Variants in PPP4R3A observed in about 807,000 individuals in gnomAD.
The protein encoded by PPP4R3A is protein phosphatase 4 regulatory subunit 3A.
PPP4R3A carries 15 observed loss-of-function variants against 91.7 expected under a neutral mutation model. The observed-to-expected ratio is 0.16, with a 90% CI of 0.11 to 0.25. The LOEUF (loss-of-function observed/expected upper bound fraction) is 0.25. Ranked by LOEUF, PPP4R3A falls within the 10% of genes least tolerant of loss-of-function variation. The pLI is 1.00. For synonymous variants in PPP4R3A, 377 were observed against 348.7 expected, an observed-to-expected ratio of 1.08 and a Z score of -0.91; for missense variants, 623 against 998.4, an observed-to-expected ratio of 0.62 and a Z score of 5.07.
chr14:91,472,758 A>T (rs931334011), intron 9 of PPP4R3A, among the ~76,000 whole-genome samples: 14 of 151,942 alleles, frequency 9.2e-5, no homozygotes, highest in African/African-American at 2.7e-4. Context: ...CCTTTTAGGG[A>T]CATTTTTGTC....
intron 4 of PPP4R3A, among the ~76,000 whole-genome samples, chr14:91,479,538 A>C (rs992056213): frequency 7.3e-6 from 1 of 136,328 alleles, no homozygotes; most frequent in Non-Finnish European, 1.6e-5. Context: ...TGGCTAATTT[A>C]AAAAAAAAAA....
intron 1 of PPP4R3A, among the ~76,000 whole-genome samples, chr14:91,504,337 AAAAAG>A (rs1256917044): frequency 1.1e-3 from 162 of 150,558 alleles, no homozygotes; most frequent in African/African-American, 1.4e-3. Flanking sequence ...AAAAAAAAAA[AAAAAG>A]AAAAGAAAAG....
At chr14:91,488,418 ATACTATCT>A (rs981527634) in intron 2 of PPP4R3A, among the ~76,000 whole-genome samples, 1 of 152,152 alleles carries the variant, frequency 6.6e-6, no homozygotes, top group Non-Finnish European at 1.5e-5. Context: ...TCCACTTTTT[ATACTATCT>A]TAAAGGACTT....
chr14:91,459,407 A>G (rs1402398600), intron 14 of PPP4R3A, among the ~76,000 whole-genome samples: 3 of 152,214 alleles, frequency 2.0e-5, no homozygotes, highest in African/African-American at 7.2e-5. Flanking sequence ...CACCCAAACT[A>G]AAGCAAAAAA....
chr14:91,473,168 A>T (rs1595059383), intron 8 of PPP4R3A, 33 bp from the exon 9 acceptor site: 4 of 1,613,636 alleles, frequency 2.5e-6, no homozygotes, highest in East Asian at 4.5e-5. Context: ...ATGAACTTTA[A>T]CCACACTGGT....
At chr14:91,472,065 C>CCA (rs1555434857) in intron 9 of PPP4R3A, among the ~76,000 whole-genome samples, 1 of 70,288 alleles carries the variant, frequency 1.4e-5, no homozygotes, top group African/African-American at 5.6e-5. Context: ...ATTCTGTCTC[C>CCA]AAAAAAAAAA....
At chr14:91,493,585 G>T (rs1479438146) in intron 1 of PPP4R3A, among the ~76,000 whole-genome samples, 1 of 150,214 alleles carries the variant, frequency 6.7e-6, no homozygotes, top group Non-Finnish European at 1.5e-5. Flanking sequence ...CTTGAGGCTA[G>T]CCTGGTCTCA....
At chr14:91,495,235 G>A (rs1382413126) in intron 1 of PPP4R3A, among the ~76,000 whole-genome samples, 7 of 150,890 alleles carry the variant, frequency 4.6e-5, no homozygotes, top group East Asian at 1.9e-4. Flanking sequence ...ATTACAATAT[G>A]TATAAACCTT....
chr14:91,505,831 A>G (rs1457977513), intron 1 of PPP4R3A, among the ~76,000 whole-genome samples: 1 of 152,264 alleles, frequency 6.6e-6, no homozygotes, highest in Non-Finnish European at 1.5e-5. Flanking sequence ...GACAACAAAA[A>G]GAAAATATCA....
Position 91,482,140 on chromosome 14 carries a change from A to T in PPP4R3A, c.351T>A (p.Ser117=). 1.9e-6 allele frequency: 3 copies of T among 1,614,162 alleles called. No homozygotes were observed. Among genetic ancestry groups the T allele is most frequent in the Non-Finnish European group, 2.5e-6 (3 of 1,180,028 alleles). ...ACATATCATCAAAACGCTCCTCTTCAGATTCATCCACAAGGTCCTGAGTGA... is the reference window on the plus strand; with the variant it reads ...ACATATCATCAAAACGCTCCTCTTCTGATTCATCCACAAGGTCCTGAGTGA... ...VDITQDLVDE[S]EEERFDDMSS... The change falls in exon 4 of 15, where the codon TCT becomes TCA. Residue 117 remains serine (S), a synonymous_variant. Transcript: ENST00000554943.
intron 1 of PPP4R3A, among the ~76,000 whole-genome samples, chr14:91,498,532 G>A (rs1420199031): frequency 2.0e-5 from 3 of 152,126 alleles, no homozygotes; most frequent in Non-Finnish European, 4.4e-5. Flanking sequence ...CTCAATTTAA[G>A]AGTATAAAGG....
At chr14:91,465,522 A>C in intron 10 of PPP4R3A, 103 bp from the exon 11 acceptor site, 1 of 963,996 alleles carries the variant, frequency 1.0e-6, no homozygotes. Flanking sequence ...TGTTTAACAC[A>C]TATCAATAAT....
chr14:91,476,868 T>G, intron 5 of PPP4R3A, 41 bp downstream of exon 5: 1 of 1,507,084 alleles, frequency 6.6e-7, no homozygotes, highest in Non-Finnish European at 9.0e-7. Flanking sequence ...GCCCGGCCAG[T>G]TGTTTTATTT....
chr14:91,476,399 A>G lies in PPP4R3A; in HGVS notation c.1110+9T>C. On this transcript the variant is annotated intron_variant, in intron 6 of 14. Coordinates refer to ENST00000554943, the MANE Select transcript of PPP4R3A (RefSeq NM_001366432.2). ...ATGGTAATTAAAAATGAGGAGACAC[A>G]AAACTTACAAGGATGACTTCTAAAG... The G allele has an allele frequency of 1.3e-6, 2 of 1,565,304 alleles. No individual in the cohort carries two copies. Among genetic ancestry groups the G allele is most frequent in the Non-Finnish European group, 1.7e-6 (2 of 1,151,218 alleles).
At chr14:91,476,591 G>A in intron 5 of PPP4R3A, 67 bp from the exon 6 acceptor site, 1 of 1,202,336 alleles carries the variant, frequency 8.3e-7, no homozygotes, top group Non-Finnish European at 1.2e-6. Flanking sequence ...TTGAGACGGA[G>A]TCTTGCTCTT....
Position 91,509,609 on chromosome 14 carries a change from G to T in PPP4R3A, c.39C>A (p.Leu13=). The T allele has an allele frequency of 6.2e-7, 1 of 1,602,962 alleles. No homozygotes were observed. Residue 13 remains leucine, a synonymous_variant, in exon 1 of 15, where the codon CTC becomes CTA. Transcript: ENST00000554943. The part of the protein sequence containing the change: ...DTRRRVKVYT[L]NEDRQWDDRG... ...GGTCGTCCCACTGCCGGTCCTCGTT[G>T]AGCGTGTACACCTTCACCCGCCGCC...
At position 91,473,362 on chromosome 14, in the gene PPP4R3A, C is replaced by A. The variant is rs767298918; in HGVS notation, c.1275G>T (p.Leu425Phe). The change falls in exon 8 of 15, where the codon TTG becomes TTT. Residue 425 changes from leucine (L) to phenylalanine (F), a missense_variant. By Grantham distance (22) the Leu-to-Phe change is conservative (BLOSUM62 0). Coordinates refer to ENST00000554943, the MANE Select transcript of PPP4R3A (RefSeq NM_001366432.2). ...TEQKITSKDI[L>F]LINLIIEHMI... The stretch of plus-strand genomic sequence containing the variant: ...TATGTTCTATAATGAGGTTGATGAG[C>A]AAAATATCCTGGAGAGAAAAATAGA... The A allele has an allele frequency of 1.5e-5, 24 of 1,609,024 alleles. No individual in the cohort carries two copies. The Admixed American group carries it at 3.4e-4, about 23-fold the overall frequency.
At position 91,478,460 on chromosome 14, in the gene PPP4R3A, C is replaced by G. The variant is rs145228610; in HGVS notation, c.916-1474G>C. Reference sequence around the variant, plus strand: ...GTACCTCAATCACTTCTTGCCAAAACATTTGTAAAATGCTACAGCCTTCAC... The same window carrying G: ...GTACCTCAATCACTTCTTGCCAAAAGATTTGTAAAATGCTACAGCCTTCAC... On this transcript the variant is annotated intron_variant, in intron 4 of 14. Transcript: ENST00000554943. Among the ~76,000 whole-genome samples the G allele has an allele frequency of 5.2e-4, 79 of 152,360 alleles. 1 individual carries two copies. The highest frequency in any genetic ancestry group is 1.8e-3 in the African/African-American group (75 of 41,594).
Position 91,461,482 on chromosome 14 carries a change from T to A in PPP4R3A, c.2290A>T (p.Asn764Tyr), listed in dbSNP as rs763617268. ...TNLTSQSSTT[N>Y]LPGSPGSPGS... Reference sequence around the variant, plus strand: ...GGTGATCCCGGAGAACCAGGCAGATTTGTTGTAGATGACTGGCTGGTGAGG... The same window carrying A: ...GGTGATCCCGGAGAACCAGGCAGATATGTTGTAGATGACTGGCTGGTGAGG... The change falls in exon 14 of 15, where the codon AAT becomes TAT. Residue 764 changes from asparagine (N) to tyrosine (Y), a missense_variant. Physicochemically the swap from Asn to Tyr is moderately radical, Grantham distance 143. Around this residue, in one of 5 missense-constraint regions of PPP4R3A, gnomAD observed 201 missense variants for 229.9 expected, o/e 0.87. Transcript: ENST00000554943. 1.5e-5 allele frequency: 24 copies of A among 1,613,962 alleles called. No homozygotes were observed. Among genetic ancestry groups the A allele is most frequent in the Non-Finnish European group, 2.0e-5 (24 of 1,180,006 alleles).
Sources: gnomAD v4.1 joint callset for allele counts (sites outside exome capture counted in the v4.1 genomes callset) on GRCh38, gnomAD v4.1.1 for gene constraint, gnomAD v4.1.1 regional missense constraint, MANE v1.5 for transcripts, NCBI Gene and HGNC (gene_info 2026-07-23, HGNC 2026-07-21) for gene names.